Variants in RAB3IP observed in about 807,000 individuals in gnomAD.
The protein encoded by RAB3IP is RAB3A interacting protein.
A neutral mutation model predicts 59.1 loss-of-function variants in RAB3IP; 36 were observed. That is an observed-to-expected ratio of 0.61 (90% CI 0.47 to 0.80). RAB3IP has a LOEUF of 0.80. Among genes scored for constraint, RAB3IP ranks in the 30% least tolerant of loss-of-function variants. RAB3IP has a pLI of 0.00. For missense variants in RAB3IP, 511 were observed against 536.0 expected (o/e 0.95, Z 0.46); for synonymous variants, 207 against 191.2 (o/e 1.08, Z -0.68).
chr12:69,746,633 A>G (rs1868368126), intron 1 of RAB3IP, among the ~76,000 whole-genome samples: 1 of 152,206 alleles, frequency 6.6e-6, no homozygotes, highest in Admixed American at 6.5e-5. Flanking sequence ...TTCCATTCCA[A>G]CAAGAATAAA....
intron 4 of RAB3IP, among the ~76,000 whole-genome samples, chr12:69,791,095 A>G (rs1876531527): frequency 6.6e-6 from 1 of 152,224 alleles, no homozygotes; most frequent in African/African-American, 2.4e-5. Flanking sequence ...TGGGGAGTAG[A>G]TAGTCTTATC....
At chr12:69,746,066 T>C (rs988907420) in intron 1 of RAB3IP, among the ~76,000 whole-genome samples, 4 of 152,182 alleles carry the variant, frequency 2.6e-5, no homozygotes, top group Non-Finnish European at 1.5e-5. Flanking sequence ...GTTCTGAATG[T>C]TTTCCATACG....
chr12:69,752,833 C>CTGAACTATATTCAAG, intron 1 of RAB3IP, among the ~76,000 whole-genome samples: 1 of 152,000 alleles, frequency 6.6e-6, no homozygotes, highest in African/African-American at 2.4e-5. Flanking sequence ...GTGTACTTGC[C>CTGAACTATATTCAAG]TGAACTATAT....
upstream of RAB3IP, chr12:69,738,641 T>G (rs980361308): frequency 1.3e-5 from 2 of 151,540 alleles, no homozygotes; most frequent in African/African-American, 4.8e-5. Flanking sequence ...CAGCTCCGGC[T>G]CGCGCTGGTT....
At chr12:69,772,840 C>G (rs899923137) in intron 3 of RAB3IP, among the ~76,000 whole-genome samples, 1 of 152,094 alleles carries the variant, frequency 6.6e-6, no homozygotes, top group Non-Finnish European at 1.5e-5. Flanking sequence ...ACTACTATTA[C>G]AATATTAGAG....
chr12:69,786,651 A>G (rs17813683), intron 4 of RAB3IP, among the ~76,000 whole-genome samples: 1,953 of 152,234 alleles, frequency 0.013, 19 homozygotes, highest in Non-Finnish European at 0.02. Context: ...TTTCCTGACT[A>G]CTTGCATTTA....
intron 4 of RAB3IP, among the ~76,000 whole-genome samples, chr12:69,791,030 G>GA (rs1277625025): frequency 6.6e-6 from 1 of 152,136 alleles, no homozygotes; most frequent in African/African-American, 2.4e-5. Context: ...AGAGAGCCCA[G>GA]AAATGACACA....
At chr12:69,805,404 G>A (rs9652029) in intron 8 of RAB3IP, among the ~76,000 whole-genome samples, 19,712 of 151,974 alleles carry the variant, frequency 0.13, 1,845 homozygotes, top group East Asian at 0.4. Context: ...GGGCTGAGAC[G>A]ATGGGGTTTT....
chr12:69,749,791 C>A (rs1555217312), intron 1 of RAB3IP, among the ~76,000 whole-genome samples: 2 of 152,172 alleles, frequency 1.3e-5, no homozygotes, highest in Non-Finnish European at 2.9e-5. Flanking sequence ...AGTTTATTTG[C>A]ATCTTCTGTG....
chr12:69,752,143 A>T (rs945211760), intron 1 of RAB3IP, among the ~76,000 whole-genome samples: 4 of 151,190 alleles, frequency 2.6e-5, no homozygotes, highest in Non-Finnish European at 4.4e-5. Flanking sequence ...GGTTAGGACT[A>T]TAGGCCTGCA....
At chr12:69,744,124 A>G (rs1028106450) in intron 1 of RAB3IP, among the ~76,000 whole-genome samples, 1 of 151,538 alleles carries the variant, frequency 6.6e-6, no homozygotes, top group African/African-American at 2.4e-5. Context: ...TCCTAATGCT[A>G]TCCCTCCCCT....
chr12:69,762,756 C>CAAAAAAAAAAAAA (rs11445702), intron 3 of RAB3IP, among the ~76,000 whole-genome samples: 13 of 76,766 alleles, frequency 1.7e-4, no homozygotes, highest in African/African-American at 2.7e-4. Context: ...GACTCCGTCT[C>CAAAAAAAAAAAAA]AAAAAAAAAA....
intron 4 of RAB3IP, among the ~76,000 whole-genome samples, chr12:69,788,397 C>T (rs1374013429): frequency 1.3e-5 from 2 of 151,920 alleles, no homozygotes; most frequent in Non-Finnish European, 2.9e-5. Context: ...ACTTGTGATA[C>T]AATGGTAAAT....
At chr12:69,795,670 T>G (rs1877325780) in intron 6 of RAB3IP, 1 of 431,794 alleles carries the variant, frequency 2.3e-6, no homozygotes. Context: ...AGAGTGCGCT[T>G]ACAAAGTATG....
rs1881730300 is a variant in RAB3IP, at chr12:69,821,427, A to G, written c.*5981A>G. 1 of 152,222 alleles carries G rather than the reference A, an allele frequency of 6.6e-6. No homozygotes were observed. The highest frequency in any genetic ancestry group is 2.4e-5 in the African/African-American group (1 of 41,462). The allele number at this position is 152,222 out of a possible 1,614,324, so 9.4% of individuals were successfully genotyped here. A position where few individuals can be genotyped will look rare whatever the true frequency, so the allele number is the denominator to read the frequency against. ...GAATTTCCACTTAAATCCTATTTCC[A>G]GCAGCTGGATTGTGCTCTCAGTGGA... On this transcript the variant is annotated 3_prime_UTR_variant, in exon 11 of 11. Coordinates refer to ENST00000247833, the MANE Select transcript of RAB3IP (RefSeq NM_022456.5).
At chr12:69,755,043 T>A (rs1869961642) in intron 1 of RAB3IP, among the ~76,000 whole-genome samples, 1 of 152,156 alleles carries the variant, frequency 6.6e-6, no homozygotes, top group Non-Finnish European at 1.5e-5. Context: ...TACTGTGAGA[T>A]CGCTTAGTAA....
chr12:69,807,053 C>T lies in RAB3IP; in HGVS notation c.1130+5332C>T, dbSNP rs536270233. Among the ~76,000 whole-genome samples, 17 of 152,310 alleles carry T rather than the reference C, an allele frequency of 1.1e-4. No homozygotes were observed. The East Asian group carries it at 1.4e-3, about 12-fold the overall frequency. ...TTCCCCCTTTTCTTTTCAACAAAAC[C>T]GCCATCGTCATCATGGCCTGTTCTC... On this transcript the variant is annotated intron_variant, in intron 8 of 10. Coordinates refer to ENST00000247833, the MANE Select transcript of RAB3IP (RefSeq NM_022456.5).
rs1160282254 is a variant in RAB3IP, at chr12:69,756,417, A to T, written c.264A>T (p.Thr88=). 6.2e-7 allele frequency: 1 copy of T among 1,613,742 alleles called. No homozygotes were observed. Among genetic ancestry groups the T allele is most frequent in the Non-Finnish European group, 8.5e-7 (1 of 1,179,890 alleles). The change falls in exon 3 of 11, where the codon ACA becomes ACT. Residue 88 remains threonine (T), a synonymous_variant. Transcript: ENST00000247833. Reference sequence around the variant, plus strand: ...CTCTCCTTTACAGCTTTCATGTTACAGACCCAGCCCCTTGCTCTACCTCTG... The same window carrying T: ...CTCTCCTTTACAGCTTTCATGTTACTGACCCAGCCCCTTGCTCTACCTCTG... ...AEISSISFHV[T]DPAPCSTSGV...
intron 8 of RAB3IP, among the ~76,000 whole-genome samples, chr12:69,803,498 TTTA>T (rs369533192): frequency 2.4e-4 from 36 of 151,802 alleles, no homozygotes; most frequent in Non-Finnish European, 4.1e-4. Context: ...TTTTAATTTT[TTTA>T]TTATTATTAT....
Sources: allele counts gnomAD v4.1 joint callset (sites outside exome capture counted in the v4.1 genomes callset), GRCh38; gene constraint gnomAD v4.1.1; transcripts MANE v1.5; gene names NCBI Gene and HGNC (gene_info 2026-07-23, HGNC 2026-07-21).